The following PCDH9 variants were observed in gnomAD, a reference collection of about 807,000 sequenced individuals.
The protein encoded by PCDH9 is protocadherin-9.
In PCDH9, 24 loss-of-function variants were observed where a neutral mutation model predicts 70.6. The observed-to-expected ratio is 0.34, with a 90% CI of 0.25 to 0.48. The LOEUF is 0.48. Ranked by LOEUF, PCDH9 falls within the 20% of genes least tolerant of loss-of-function variation. The pLI, the probability that PCDH9 is intolerant of heterozygous loss-of-function variation, is 0.99. For synonymous variants in PCDH9, 562 were observed against 558.5 expected (o/e 1.01, Z -0.09); for missense variants, 1,281 against 1,503.6 (o/e 0.85, Z 2.45).
At chr13:66,403,587 T>G (rs1957227904) in intron 4 of PCDH9, among the ~76,000 whole-genome samples, 1 of 152,098 alleles carries the variant, frequency 6.6e-6, no homozygotes, top group South Asian at 2.1e-4. Context: ...ACCTACAAAA[T>G]ACTGAAGACT....
chr13:66,333,069 T>C (rs1955971808), intron 4 of PCDH9, among the ~76,000 whole-genome samples: 1 of 152,056 alleles, frequency 6.6e-6, no homozygotes, highest in South Asian at 2.1e-4. Context: ...TTAATTATGA[T>C]AGAATTGAAA....
chr13:67,109,021 C>A (rs1381637559), intron 2 of PCDH9, among the ~76,000 whole-genome samples: 1 of 152,086 alleles, frequency 6.6e-6, no homozygotes, highest in African/African-American at 2.4e-5. Context: ...TATAAGTATT[C>A]TCAACACAGT....
intron 3 of PCDH9, chr13:66,879,954 TA>T (rs1442229327): frequency 2.0e-5 from 3 of 152,080 alleles, no homozygotes; most frequent in Non-Finnish European, 4.4e-5. Flanking sequence ...AAAAACAGTT[TA>T]TTACAAATGA....
chr13:67,201,229 ATAG>A (rs1460763445), intron 2 of PCDH9: 2 of 152,222 alleles, frequency 1.3e-5, no homozygotes, highest in South Asian at 2.1e-4. Flanking sequence ...GTTTAAATAA[ATAG>A]TAGAATACTT....
chr13:66,693,867 T>C (rs997095224), intron 3 of PCDH9, among the ~76,000 whole-genome samples: 4 of 152,204 alleles, frequency 2.6e-5, no homozygotes, highest in African/African-American at 9.6e-5. Flanking sequence ...ATGGCAGTGT[T>C]CCAGTTAACA....
intron 2 of PCDH9, chr13:67,212,387 A>T (rs1328758719): frequency 6.6e-6 from 1 of 152,114 alleles, no homozygotes; most frequent in Non-Finnish European, 1.5e-5. Context: ...CAAGGGAAAA[A>T]AGTACTGTGC....
At chr13:66,814,221 G>A (rs1320279791) in intron 3 of PCDH9, among the ~76,000 whole-genome samples, 2 of 152,080 alleles carry the variant, frequency 1.3e-5, no homozygotes, top group Non-Finnish European at 2.9e-5. Flanking sequence ...AAATAAATGG[G>A]CCTGTTCAGA....
chr13:66,451,564 C>A (rs559875957), intron 4 of PCDH9, among the ~76,000 whole-genome samples: 2 of 152,262 alleles, frequency 1.3e-5, no homozygotes, highest in South Asian at 4.1e-4. Flanking sequence ...GTAATTATCA[C>A]AATTATTTGT....
intron 2 of PCDH9, among the ~76,000 whole-genome samples, chr13:66,976,641 T>C (rs1215897796): frequency 6.6e-6 from 1 of 152,054 alleles, no homozygotes; most frequent in Non-Finnish European, 1.5e-5. Context: ...AAGTCAATAC[T>C]TAGGCAAGGC....
intron 4 of PCDH9, among the ~76,000 whole-genome samples, chr13:66,339,958 T>C (rs1195536107): frequency 6.6e-6 from 1 of 152,152 alleles, no homozygotes; most frequent in African/African-American, 2.4e-5. Context: ...TAAAAATCTA[T>C]TGTTCCTCAG....
chr13:66,342,941 C>T (rs1956157027), intron 4 of PCDH9, among the ~76,000 whole-genome samples: 1 of 151,932 alleles, frequency 6.6e-6, no homozygotes, highest in Non-Finnish European at 1.5e-5. Context: ...CCACCGTGCT[C>T]AGCCCCAGAG....
chr13:66,431,971 T>G (rs1957777763), intron 4 of PCDH9, among the ~76,000 whole-genome samples: 1 of 152,020 alleles, frequency 6.6e-6, no homozygotes, highest in South Asian at 2.1e-4. Context: ...AGTATTCAAT[T>G]TAGTATTTCT....
intron 3 of PCDH9, among the ~76,000 whole-genome samples, chr13:66,860,772 G>A (rs554839696): frequency 1.3e-5 from 2 of 152,176 alleles, no homozygotes; most frequent in African/African-American, 2.4e-5. Flanking sequence ...TCAAAAGAGC[G>A]AAACAGAGGT....
intron 4 of PCDH9, among the ~76,000 whole-genome samples, chr13:66,460,788 A>C (rs1233004633): frequency 1.3e-5 from 2 of 151,826 alleles, no homozygotes; most frequent in African/African-American, 4.8e-5. Context: ...ACACCTGCAG[A>C]AATGCCTAAA....
intron 2 of PCDH9, among the ~76,000 whole-genome samples, chr13:66,989,729 A>G (rs1566345307): frequency 6.6e-6 from 1 of 151,940 alleles, no homozygotes; most frequent in Non-Finnish European, 1.5e-5. Flanking sequence ...TTTATGTGAC[A>G]GAATGTCTAA....
At chr13:66,381,981 A>C (rs1269846576) in intron 4 of PCDH9, among the ~76,000 whole-genome samples, 1 of 152,046 alleles carries the variant, frequency 6.6e-6, no homozygotes, top group Non-Finnish European at 1.5e-5. Context: ...AGAATTATTG[A>C]AAGAAAAAAA....
At chr13:66,687,772 A>G (rs924842919) in intron 3 of PCDH9, among the ~76,000 whole-genome samples, 1 of 152,154 alleles carries the variant, frequency 6.6e-6, no homozygotes, top group African/African-American at 2.4e-5. Context: ...AAAAATAATC[A>G]GTAAATGAGG....
intron 2 of PCDH9, among the ~76,000 whole-genome samples, chr13:67,067,857 G>C (rs1023994112): frequency 6.6e-6 from 1 of 151,952 alleles, no homozygotes; most frequent in East Asian, 1.9e-4. Flanking sequence ...TCAGGTATAT[G>C]TAAGTGTTCT....
At chr13:66,439,012 G>C (rs1480783919) in intron 4 of PCDH9, among the ~76,000 whole-genome samples, 1 of 152,056 alleles carries the variant, frequency 6.6e-6, no homozygotes, top group Non-Finnish European at 1.5e-5. Flanking sequence ...AATTTAAGTA[G>C]GTCTGATGGA....
Sources: gnomAD v4.1 joint callset for allele counts (sites outside exome capture counted in the v4.1 genomes callset) on GRCh38, gnomAD v4.1.1 for gene constraint, MANE v1.5 for transcripts, NCBI Gene and HGNC (gene_info 2026-07-23, HGNC 2026-07-21) for gene names.